Variants in GOLGA2 observed in about 807,000 individuals in gnomAD.
GOLGA2 encodes the protein golgin subfamily A member 2.
GOLGA2 carries 49 observed loss-of-function variants against 148.8 expected under a neutral mutation model. The observed-to-expected ratio is 0.33, with a 90% CI of 0.26 to 0.42. GOLGA2 has a LOEUF of 0.42. Ranked by LOEUF, GOLGA2 falls within the 10% of genes least tolerant of loss-of-function variation. The pLI is 1.00. For missense variants in GOLGA2, 1,178 were observed against 1,304.6 expected (o/e 0.90, Z 1.49); for synonymous variants, 501 against 511.8 (o/e 0.98, Z 0.28).
chr9:128,266,331 G>C lies in GOLGA2; in HGVS notation c.643-6C>G. 6.2e-7 allele frequency: 1 copy of C among 1,612,580 alleles called. No homozygotes were observed. The highest frequency in any genetic ancestry group is 8.5e-7 in the Non-Finnish European group (1 of 1,179,016). On this transcript the variant is annotated splice_region_variant and splice_polypyrimidine_tract_variant and intron_variant, in intron 8 of 26. Coordinates refer to ENST00000611957, the MANE Select transcript of GOLGA2 (RefSeq NM_001366244.2). The surrounding 1 kb of genome is among the most constrained non-coding windows in gnomAD (Gnocchi z 4.2). Reference sequence around the variant, plus strand: ...ATTTCTTGGTTCTGTTGTTTCTGTGGGGAAGAGTCAAAGGAAGGTGACTGA... The same window carrying C: ...ATTTCTTGGTTCTGTTGTTTCTGTGCGGAAGAGTCAAAGGAAGGTGACTGA...
At position 128,260,327 on chromosome 9, in the gene GOLGA2, C is replaced by T. The variant is rs905266713; in HGVS notation, c.1758+138G>A. 4.2e-5 allele frequency: 45 copies of T among 1,074,392 alleles called. No homozygotes were observed. The highest frequency in any genetic ancestry group is 7.6e-5 in the South Asian group (6 of 78,758). The allele number at this position is 1,074,392 out of a possible 1,614,324, so 66.6% of individuals were successfully genotyped here. On this transcript the variant is annotated intron_variant, in intron 18 of 26. Transcript: ENST00000611957. The surrounding 1 kb of genome is among the most constrained non-coding windows in gnomAD (Gnocchi z 4.8). ...ATCATCCCCTCTCCCCCACAGCCATCGGAGCAGGGCTCTGGCTCACAGATG... is the reference window on the plus strand; with the variant it reads ...ATCATCCCCTCTCCCCCACAGCCATTGGAGCAGGGCTCTGGCTCACAGATG...
intron 1 of GOLGA2, among the ~76,000 whole-genome samples, 153 bp downstream of exon 1, chr9:128,275,740 G>C (rs1441715813): frequency 6.6e-6 from 1 of 152,110 alleles, no homozygotes; most frequent in Admixed American, 6.5e-5. Context: ...GAGGGGGCGG[G>C]GCTGGCTGAC....
In GOLGA2 at chr9:128,261,006, G is replaced by A; in HGVS notation, c.1420+166C>T. The A allele has an allele frequency of 1.5e-6, 1 of 676,716 alleles. No homozygotes were observed. The highest frequency in any genetic ancestry group is 2.6e-6 in the Non-Finnish European group (1 of 378,802). The allele number at this position is 676,716 out of a possible 1,614,324, so 41.9% of individuals were successfully genotyped here. On this transcript the variant is annotated intron_variant, in intron 17 of 26. Transcript: ENST00000611957. This position sits in a 1 kb window ranked among gnomAD's most constrained non-coding sequence, Gnocchi z 5.7. ...GGCACTCCTTCGTCTTTGCTGATGGGGCACTGAGGCTCATGGAGATGACGA... is the reference window on the plus strand; with the variant it reads ...GGCACTCCTTCGTCTTTGCTGATGGAGCACTGAGGCTCATGGAGATGACGA...
chr9:128,266,133 G>T lies in GOLGA2; in HGVS notation c.682-113C>A. 1 of 1,365,802 alleles carries T rather than the reference G, an allele frequency of 7.3e-7. No individual in the cohort carries two copies. Among genetic ancestry groups the T allele is most frequent in the Non-Finnish European group, 1.0e-6 (1 of 953,958 alleles). The allele number at this position is 1,365,802 out of a possible 1,614,324, so 84.6% of individuals were successfully genotyped here. On this transcript the variant is annotated intron_variant, in intron 9 of 26. Transcript: ENST00000611957. The surrounding 1 kb of genome is among the most constrained non-coding windows in gnomAD (Gnocchi z 4.2). The stretch of plus-strand genomic sequence containing the variant: ...CAGGACAGGCCCACCCATGGGACCA[G>T]GTTATCAGGGACCCTGTGGGGATGG...
In GOLGA2 at chr9:128,260,974, G is replaced by A. The variant is rs1830237059; in HGVS notation, c.1421-172C>T. 1.5e-6 allele frequency: 1 copy of A among 661,118 alleles called. No individual in the cohort carries two copies. The highest frequency in any genetic ancestry group is 2.6e-6 in the Non-Finnish European group (1 of 377,442). 41.0% of individuals were successfully genotyped at this position (661,118 alleles called of 1,614,324 possible). A position where few individuals can be genotyped will look rare whatever the true frequency, so the allele number is the denominator to read the frequency against. On this transcript the variant is annotated intron_variant, in intron 17 of 26. Transcript: ENST00000611957. The surrounding 1 kb of genome is among the most constrained non-coding windows in gnomAD (Gnocchi z 4.8). ...CCGATAGCGACAACTGTGGGTGGCTGACAACGGGCACTCCTTCGTCTTTGC... is the reference window on the plus strand; with the variant it reads ...CCGATAGCGACAACTGTGGGTGGCTAACAACGGGCACTCCTTCGTCTTTGC...
intron 6 of GOLGA2, 26 bp from the exon 7 acceptor site, chr9:128,267,543 A>G: frequency 1.3e-6 from 2 of 1,566,884 alleles, no homozygotes; most frequent in Non-Finnish European, 1.8e-6. Context: ...GTGCACATGG[A>G]GATGTTCTGT....
rs2131325569 is a variant in GOLGA2, at chr9:128,257,218, G to A, written c.2939C>T (p.Ser980Phe). ...EPAQGEAREG[S>F]PRDNPTAQQI... ...CTGTGCAGTGGGGTTGTCACGGGGAGAACCCTCCCTGGCCTCTCCTTGGGC... is the reference window on the plus strand; with the variant it reads ...CTGTGCAGTGGGGTTGTCACGGGGAAAACCCTCCCTGGCCTCTCCTTGGGC... The change falls in exon 27 of 27, where the codon TCT (serine) becomes TTT (phenylalanine). Residue 980 changes from serine to phenylalanine, a missense_variant. Physicochemically the swap from Ser to Phe is radical, Grantham distance 155. Coordinates refer to ENST00000611957, the MANE Select transcript of GOLGA2 (RefSeq NM_001366244.2). The surrounding 1 kb of genome is among the most constrained non-coding windows in gnomAD (Gnocchi z 8.0). The A allele has an allele frequency of 6.2e-7, 1 of 1,613,876 alleles. No homozygotes were observed. Among genetic ancestry groups the A allele is most frequent in the Non-Finnish European group, 8.5e-7 (1 of 1,179,962 alleles).
chr9:128,265,675 C>T lies in GOLGA2; in HGVS notation c.843G>A (p.Leu281=), dbSNP rs765147540. 1 of 1,613,894 alleles carries T rather than the reference C, an allele frequency of 6.2e-7. No homozygotes were observed. The highest frequency in any genetic ancestry group is 8.5e-7 in the Non-Finnish European group (1 of 1,179,942). Residue 281 remains leucine, a synonymous_variant, in exon 12 of 27, where the codon CTG becomes CTA. Transcript: ENST00000611957. ...GCCGGGAATACTGCAGGCGGCTGGC[C>T]AGATCTTCAGACTCTCCTGGAATGA... is the stretch of plus-strand genomic sequence containing the variant. The part of the protein sequence containing the change: ...ARQKEGESED[L]ASRLQYSRRR...
rs1261057119 is a variant in GOLGA2, at chr9:128,261,574, C to T, written c.1225-13G>A. 1 of 1,553,696 alleles carries T rather than the reference C, an allele frequency of 6.4e-7. No homozygotes were observed. Among genetic ancestry groups the T allele is most frequent in the Admixed American group, 1.7e-5 (1 of 59,924 alleles). On this transcript the variant is annotated splice_polypyrimidine_tract_variant and intron_variant, in intron 15 of 26. Coordinates refer to ENST00000611957, the MANE Select transcript of GOLGA2 (RefSeq NM_001366244.2). The surrounding 1 kb of genome is among the most constrained non-coding windows in gnomAD (Gnocchi z 5.7). ...CCGACTCCATTACCTGCAAGAATGG[C>T]CACAGAAATGAGGAAGGACTGTCAC...
At position 128,266,196 on chromosome 9, in the gene GOLGA2, G is replaced by T; in HGVS notation, c.681+91C>A. 7.3e-7 allele frequency: 1 copy of T among 1,378,938 alleles called. No homozygotes were observed. Among genetic ancestry groups the T allele is most frequent in the South Asian group, 1.2e-5 (1 of 86,356 alleles). 85.4% of individuals were successfully genotyped at this position (1,378,938 alleles called of 1,614,324 possible). A position where few individuals can be genotyped will look rare whatever the true frequency, so the allele number is the denominator to read the frequency against. On this transcript the variant is annotated intron_variant, in intron 9 of 26. Transcript: ENST00000611957. This position sits in a 1 kb window ranked among gnomAD's most constrained non-coding sequence, Gnocchi z 4.2. The stretch of plus-strand genomic sequence containing the variant: ...GGGGGTGAGCCTTCTTCCCCAGGCT[G>T]GGAGTGGGTGAGACGAGACTGAGGC...
intron 12 of GOLGA2, among the ~76,000 whole-genome samples, chr9:128,264,450 CAG>C (rs1191325505): frequency 2.7e-5 from 4 of 149,022 alleles, no homozygotes; most frequent in Admixed American, 2.0e-4. Context: ...TATTTTCAGA[CAG>C]AGTCTCCCTC....
rs377742534 is a variant in GOLGA2, at chr9:128,261,523, A to C, written c.1263T>G (p.Asp421Glu). 40 of 1,610,100 alleles carry C rather than the reference A, an allele frequency of 2.5e-5. No individual in the cohort carries two copies. The highest frequency in any genetic ancestry group is 9.4e-5 in the African/African-American group (7 of 74,830). Residue 421 changes from aspartate to glutamate, a missense_variant, in exon 16 of 27, where the codon GAT becomes GAG. This residue lies in a region of GOLGA2 where 304 missense variants were observed against 404.1 expected (regional missense o/e 0.75). Coordinates refer to ENST00000611957, the MANE Select transcript of GOLGA2 (RefSeq NM_001366244.2). The surrounding 1 kb of genome is among the most constrained non-coding windows in gnomAD (Gnocchi z 5.7). ...ESVRQLQMER[D>E]KYAENLKGES... ...CTCCTTTGAGATTCTCCGCATATTT[A>C]TCTCTCTCCATTTGTAGTTGTCTAA...
In GOLGA2 at chr9:128,260,406, G is replaced by C. The variant is rs1830182981; in HGVS notation, c.1758+59C>G. 1 of 1,423,154 alleles carries C rather than the reference G, an allele frequency of 7.0e-7. No individual in the cohort carries two copies. The highest frequency in any genetic ancestry group is 1.4e-5 in the African/African-American group (1 of 71,332). 88.2% of individuals were successfully genotyped at this position (1,423,154 alleles called of 1,614,324 possible). On this transcript the variant is annotated intron_variant, in intron 18 of 26. Coordinates refer to ENST00000611957, the MANE Select transcript of GOLGA2 (RefSeq NM_001366244.2). This position sits in a 1 kb window ranked among gnomAD's most constrained non-coding sequence, Gnocchi z 4.8. Reference sequence around the variant, plus strand: ...CTACACTGCCCCACTTTACAGGTGGGAAAACAAAGGTCTGGAGGGCTAGGG... The same window carrying C: ...CTACACTGCCCCACTTTACAGGTGGCAAAACAAAGGTCTGGAGGGCTAGGG...
intron 12 of GOLGA2, 115 bp from the exon 13 acceptor site, chr9:128,263,207 C>T (rs1168218445): frequency 6.8e-6 from 5 of 737,568 alleles, no homozygotes; most frequent in Non-Finnish European, 1.2e-5. Context: ...CTCAATCACA[C>T]TTGACATGTT....
At position 128,259,076 on chromosome 9, in the gene GOLGA2, G is replaced by A; in HGVS notation, c.2104C>T (p.Leu702=). ...TGATTCTGCTGGGTGGCAGCTTCCA[G>A]GCGCTCCTAAGGGGCCAGAAAAGAG... ...RQELQETQER[L]EAATQQNQQL... is the part of the protein sequence containing the mutation. The change falls in exon 21 of 27, where the codon CTG becomes TTG. Residue 702 remains leucine, a synonymous_variant. Transcript: ENST00000611957. 6.2e-7 allele frequency: 1 copy of A among 1,612,348 alleles called. No homozygotes were observed. Among genetic ancestry groups the A allele is most frequent in the South Asian group, 1.1e-5 (1 of 91,066 alleles).
chr9:128,273,816 C>G (rs758170789), intron 2 of GOLGA2, 34 bp downstream of exon 2: 11 of 1,610,952 alleles, frequency 6.8e-6, no homozygotes, highest in Non-Finnish European at 8.5e-6. Context: ...CCTTGGGCCC[C>G]CTGTCCCCAG....
In GOLGA2 at chr9:128,275,503, G is replaced by A. The variant is rs925039843; in HGVS notation, c.84+390C>T. On this transcript the variant is annotated intron_variant, in intron 1 of 26. Transcript: ENST00000611957. ...CGGTTTGGGGCGGCAGGAGGTGAGG[G>A]TCGAGTCTGGAGCGGGGGGCCCCGG... is the stretch of plus-strand genomic sequence containing the variant. 3.1e-6 allele frequency: 4 copies of A among 1,309,650 alleles called. No homozygotes were observed. The African/African-American group carries it at 4.6e-5, about 15-fold the overall frequency. 81.1% of individuals were successfully genotyped at this position (1,309,650 alleles called of 1,614,324 possible).
rs1277989901 is a variant in GOLGA2 at position 128,259,941 on chromosome 9, G to GA, written c.1872+134dup. 4 of 702,746 alleles carry GA rather than the reference G, an allele frequency of 5.7e-6. No homozygotes were observed. The Admixed American group carries it at 6.3e-5, about 11-fold the overall frequency. The allele number at this position is 702,746 out of a possible 1,614,324, so 43.5% of individuals were successfully genotyped here. A position where few individuals can be genotyped will look rare whatever the true frequency, so the allele number is the denominator to read the frequency against. ...CTAAAAGTCAGAGGGCAGGGAGCAAGAAACAGTCACAGGACTGCCCTGGAG... is the reference window on the plus strand; with the variant it reads ...CTAAAAGTCAGAGGGCAGGGAGCAAGAAAACAGTCACAGGACTGCCCTGGAG... On this transcript the variant is annotated intron_variant, in intron 19 of 26. Coordinates refer to ENST00000611957, the MANE Select transcript of GOLGA2 (RefSeq NM_001366244.2).
chr9:128,275,243 T>C, intron 1 of GOLGA2: 2 of 601,228 alleles, frequency 3.3e-6, no homozygotes, highest in Non-Finnish European at 5.6e-6. Flanking sequence ...AAATTTATGC[T>C]GTGACCAGAG....
Sources: gnomAD v4.1 joint callset for allele counts (sites outside exome capture counted in the v4.1 genomes callset) on GRCh38, gnomAD v4.1.1 for gene constraint, gnomAD v4.1.1 regional missense constraint, Gnocchi (gnomAD v3.1) non-coding constraint, MANE v1.5 for transcripts, NCBI Gene and HGNC (gene_info 2026-07-23, HGNC 2026-07-21) for gene names.